The following IDO2 variants were observed in gnomAD, a reference collection of about 807,000 sequenced individuals.
IDO2 encodes the protein indoleamine 2,3-dioxygenase 2.
A neutral mutation model predicts 45.1 loss-of-function variants in IDO2; 46 were observed. The observed-to-expected ratio is 1.02, with a 90% CI of 0.80 to 1.30. The LOEUF is 1.30. IDO2 is among the 50% of genes most tolerant of loss of function. The pLI is 0.00. For synonymous variants in IDO2, 218 were observed against 184.9 expected (o/e 1.18, Z -1.45); for missense variants, 544 against 491.8 (o/e 1.11, Z -1.00).
chr8:40,014,777 G>C (rs750510269), intron 10 of IDO2, among the ~76,000 whole-genome samples: 6 of 152,102 alleles, frequency 3.9e-5, no homozygotes, highest in Non-Finnish European at 8.8e-5. Flanking sequence ...ATTTGAGTAC[G>C]TGAAGTCTGC....
intron 8 of IDO2, chr8:39,995,179 CCTTCTTCTT>C (rs1293164862): frequency 2.7e-5 from 3 of 113,026 alleles, no homozygotes; most frequent in East Asian, 2.8e-4. Context: ...TCCTCTTCTT[CCTTCTTCTT>C]CTTCTTCTTC....
intron 6 of IDO2, 27 bp downstream of exon 6, chr8:39,985,549 C>A: frequency 6.5e-7 from 1 of 1,548,196 alleles, no homozygotes; most frequent in Non-Finnish European, 8.7e-7. Flanking sequence ...CATTTACGCA[C>A]TTTAGAATCC....
At chr8:39,950,725 G>A (rs1585397225) in intron 2 of IDO2, among the ~76,000 whole-genome samples, 3 of 152,152 alleles carry the variant, frequency 2.0e-5, no homozygotes, top group Admixed American at 1.3e-4. Flanking sequence ...TTACCCAATC[G>A]GCTATTAGTT....
At chr8:39,977,514 C>G (rs1808277330) in intron 3 of IDO2, among the ~76,000 whole-genome samples, 1 of 152,146 alleles carries the variant, frequency 6.6e-6, no homozygotes, top group Admixed American at 6.5e-5. Flanking sequence ...ACCCCCATCC[C>G]TACAAACAAT....
intron 8 of IDO2, chr8:39,995,191 T>TTCTCCTTCTCCTTCTC (rs1563438174): frequency 2.6e-4 from 21 of 80,980 alleles, no homozygotes; most frequent in Middle Eastern, 6.3e-3. Context: ...TTCTTCTTCT[T>TTCTCCTTCTCCTTCTC]CTTCTTCTTC....
intron 2 of IDO2, among the ~76,000 whole-genome samples, chr8:39,959,807 G>A (rs968641285): frequency 1.3e-5 from 2 of 152,160 alleles, no homozygotes; most frequent in Non-Finnish European, 2.9e-5. Flanking sequence ...GTGAAACTGT[G>A]CCTCAAAATG....
At chr8:39,991,053 G>T (rs2129594816) in intron 8 of IDO2, among the ~76,000 whole-genome samples, 1 of 152,282 alleles carries the variant, frequency 6.6e-6, no homozygotes, top group South Asian at 2.1e-4. Context: ...GTGTTTACAA[G>T]AAGCAGGACT....
chr8:39,972,229 AT>A, intron 3 of IDO2, among the ~76,000 whole-genome samples: 1 of 152,198 alleles, frequency 6.6e-6, no homozygotes, highest in Non-Finnish European at 1.5e-5. Context: ...GTTGCTGAAC[AT>A]TGTTGAAATG....
chr8:39,982,406 G>A (rs1267285841), intron 4 of IDO2, among the ~76,000 whole-genome samples: 1 of 152,002 alleles, frequency 6.6e-6, no homozygotes, highest in Non-Finnish European at 1.5e-5. Flanking sequence ...TATTCTATAT[G>A]TATGTGTGGT....
intron 3 of IDO2, among the ~76,000 whole-genome samples, chr8:39,964,054 G>A (rs1177349882): frequency 6.6e-6 from 1 of 152,136 alleles, no homozygotes; most frequent in Non-Finnish European, 1.5e-5. Flanking sequence ...TTCCATGTAC[G>A]TACTCAAGGC....
chr8:39,939,068 A>G (rs969429666), intron 1 of IDO2, among the ~76,000 whole-genome samples: 4 of 151,950 alleles, frequency 2.6e-5, no homozygotes, highest in African/African-American at 7.3e-5. Context: ...CCTGACCAAC[A>G]TGGTGAAACC....
chr8:39,956,446 T>A (rs1807903323), intron 2 of IDO2, among the ~76,000 whole-genome samples: 1 of 152,222 alleles, frequency 6.6e-6, no homozygotes, highest in Non-Finnish European at 1.5e-5. Flanking sequence ...ACTACAGACA[T>A]TTTAGGCTAT....
chr8:39,949,680 G>C (rs1807785561), intron 2 of IDO2, among the ~76,000 whole-genome samples: 1 of 152,186 alleles, frequency 6.6e-6, no homozygotes, highest in Non-Finnish European at 1.5e-5. Context: ...CTCTGTTAAA[G>C]ATTTTCTCCT....
intron 3 of IDO2, among the ~76,000 whole-genome samples, chr8:39,973,133 G>A (rs1281492832): frequency 6.6e-6 from 1 of 152,164 alleles, no homozygotes; most frequent in African/African-American, 2.4e-5. Context: ...CTGTGAGTGA[G>A]GGAAGTTATA....
intron 3 of IDO2, among the ~76,000 whole-genome samples, chr8:39,974,298 T>C (rs914633940): frequency 8.5e-5 from 13 of 152,176 alleles, no homozygotes; most frequent in African/African-American, 2.9e-4. Context: ...GGGAACACGA[T>C]GGTAAAAACA....
chr8:39,944,812 G>A (rs892095181), intron 1 of IDO2, among the ~76,000 whole-genome samples: 1 of 152,076 alleles, frequency 6.6e-6, no homozygotes, highest in Non-Finnish European at 1.5e-5. Flanking sequence ...CTTCTTTGGG[G>A]CTGAGAGAAT....
In IDO2 at chr8:40,005,315, T is replaced by C. The variant is rs971775527; in HGVS notation, c.668-12T>C. 2 of 1,562,158 alleles carry C rather than the reference T, an allele frequency of 1.3e-6. No homozygotes were observed. Among genetic ancestry groups the C allele is most frequent in the Admixed American group, 1.8e-5 (1 of 57,082 alleles). ...GCCTGTAGTAAAGTTCACATTTTGA[T>C]TGCTTCTCCAGATTATGTAGATCCA... On this transcript the variant is annotated splice_polypyrimidine_tract_variant and intron_variant, in intron 8 of 10. Transcript: ENST00000502986.
chr8:40,012,491 G>A (rs1374327152), intron 9 of IDO2, among the ~76,000 whole-genome samples: 2 of 152,148 alleles, frequency 1.3e-5, no homozygotes, highest in Non-Finnish European at 2.9e-5. Context: ...CTGTCCTGAT[G>A]TACACACAAG....
chr8:39,948,047 G>C (rs928134521), intron 1 of IDO2, among the ~76,000 whole-genome samples: 1 of 151,032 alleles, frequency 6.6e-6, no homozygotes, highest in Non-Finnish European at 1.5e-5. Flanking sequence ...GCCTTCCAAA[G>C]TGCCTTGGCC....
Sources: allele counts gnomAD v4.1 joint callset (sites outside exome capture counted in the v4.1 genomes callset), GRCh38; gene constraint gnomAD v4.1.1; transcripts MANE v1.5; gene names NCBI Gene and HGNC (gene_info 2026-07-23, HGNC 2026-07-21).